The following ERG variants were observed in gnomAD, a reference collection of about 807,000 sequenced individuals.
The protein encoded by ERG is ETS transcription factor ERG, also known as transcriptional regulator ERG.
ERG carries 9 observed loss-of-function variants against 55.3 expected under a neutral mutation model. The ratio of observed to expected loss-of-function variants is 0.16; its 90% CI spans 0.10 to 0.28. ERG has a LOEUF of 0.28. Among genes scored for constraint, ERG ranks in the 10% least tolerant of loss-of-function variants. The pLI is 1.00. For synonymous variants in ERG, 223 were observed against 237.3 expected (o/e 0.94, Z 0.55); for missense variants, 434 against 631.6 (o/e 0.69, Z 3.35).
chr21:38,434,572 A>G (rs1487462161), intron 2 of ERG, among the ~76,000 whole-genome samples: 1 of 152,182 alleles, frequency 6.6e-6, no homozygotes, highest in Non-Finnish European at 1.5e-5. Context: ...TCTTCCATTT[A>G]AATATTGAGT....
intron 2 of ERG, among the ~76,000 whole-genome samples, chr21:38,504,125 T>A (rs536706362): frequency 6.6e-6 from 1 of 152,218 alleles, no homozygotes; most frequent in Non-Finnish European, 1.5e-5. Flanking sequence ...TTCAACACTT[T>A]CTCTAAGTGG....
intron 1 of ERG, among the ~76,000 whole-genome samples, chr21:38,632,814 C>A (rs73444336): frequency 0.036 from 5,474 of 152,222 alleles, 301 homozygotes; most frequent in African/African-American, 0.12. Context: ...TGGTGTAGCC[C>A]CTCTGGAAAA....
the ERG span, among the ~76,000 whole-genome samples, chr21:38,374,446 C>T: frequency 1.3e-5 from 2 of 152,172 alleles, no homozygotes; most frequent in Non-Finnish European, 2.9e-5. Flanking sequence ...AATTAAGCAC[C>T]TGTGGTAAAT....
At position 38,455,879 on chromosome 21, in the gene ERG, C is replaced by CG. The variant is rs1399507865; in HGVS notation, c.19-10259_19-10258insC. ...AATAATTGGTACGGTCCCCCCCCTC[C>CG]CCACAGACAGGTGTGTCACACCAGG... On this transcript the variant is annotated intron_variant, in intron 1 of 9. Coordinates refer to ENST00000288319, the MANE Select transcript of ERG (RefSeq NM_182918.4). Among the ~76,000 whole-genome samples, 11 of 151,296 alleles carry CG rather than the reference C, an allele frequency of 7.3e-5. 2 individuals are homozygous for CG. The highest frequency in any genetic ancestry group is 1.7e-4 in the African/African-American group (7 of 41,204).
downstream of ERG, among the ~76,000 whole-genome samples, chr21:38,376,700 A>G (rs905167518): frequency 6.6e-6 from 1 of 152,256 alleles, no homozygotes; most frequent in Admixed American, 6.5e-5. Context: ...ATGGAGACAG[A>G]AAATCCTGAG....
At chr21:38,564,408 A>T (rs1276843215) in intron 2 of ERG, among the ~76,000 whole-genome samples, 1 of 152,180 alleles carries the variant, frequency 6.6e-6, no homozygotes, top group African/African-American at 2.4e-5. Context: ...AAGGAACATC[A>T]TAAAAATTAA....
chr21:38,549,147 CAAAAA>C (rs1164764844), intron 2 of ERG, among the ~76,000 whole-genome samples: 2 of 151,966 alleles, frequency 1.3e-5, no homozygotes, highest in South Asian at 2.1e-4. Flanking sequence ...CAAAACAAAA[CAAAAA>C]AGCCATGCCC....
At chr21:38,502,823 C>T (rs868792183), upstream of ERG, among the ~76,000 whole-genome samples, 379 of 150,946 alleles carry the variant, frequency 2.5e-3, 1 homozygote, top group African/African-American at 8.9e-3. Context: ...GCCTCCTGGG[C>T]TCATGCCATT....
At chr21:38,402,864 G>A (rs2146454922) in intron 4 of ERG, among the ~76,000 whole-genome samples, 2 of 152,242 alleles carry the variant, frequency 1.3e-5, no homozygotes, top group South Asian at 4.1e-4. Context: ...TTAATTCAGG[G>A]AAGAAGTGGT....
intron 1 of ERG, among the ~76,000 whole-genome samples, chr21:38,641,828 T>C (rs2086308817): frequency 6.6e-6 from 1 of 152,198 alleles, no homozygotes; most frequent in Admixed American, 6.5e-5. Flanking sequence ...CAAGAGCGTA[T>C]CTCAGTCTGA....
intron 2 of ERG, among the ~76,000 whole-genome samples, chr21:38,435,138 G>T (rs977831276): frequency 6.6e-6 from 1 of 152,150 alleles, no homozygotes; most frequent in Non-Finnish European, 1.5e-5. Flanking sequence ...AAGGAGGCTG[G>T]CCCGGGACAA....
chr21:38,500,275 C>T (rs2059411519), upstream of ERG, among the ~76,000 whole-genome samples: 2 of 152,224 alleles, frequency 1.3e-5, no homozygotes, highest in African/African-American at 4.8e-5. Flanking sequence ...GAAATAGCCA[C>T]GGAAGAAAAT....
intron 2 of ERG, among the ~76,000 whole-genome samples, chr21:38,426,787 G>A (rs1011919177): frequency 7.9e-5 from 12 of 151,828 alleles, no homozygotes; most frequent in Non-Finnish European, 1.0e-4. Context: ...AAAATTAGCC[G>A]GGCGTGGTGG....
At chr21:38,552,894 G>T (rs2059833529) in intron 2 of ERG, among the ~76,000 whole-genome samples, 1 of 151,196 alleles carries the variant, frequency 6.6e-6, no homozygotes, top group East Asian at 1.9e-4. Context: ...AAGAGAGGAA[G>T]TCAAACTATC....
chr21:38,490,743 G>C (rs2059328530), intron 1 of ERG, among the ~76,000 whole-genome samples: 1 of 152,186 alleles, frequency 6.6e-6, no homozygotes, highest in Non-Finnish European at 1.5e-5. Context: ...CGTTCACCTG[G>C]GGAAGTCCTG....
intron 6 of ERG, among the ~76,000 whole-genome samples, chr21:38,394,295 G>C (rs1988105768): frequency 6.6e-6 from 1 of 152,038 alleles, no homozygotes; most frequent in South Asian, 2.1e-4. Context: ...CTGGTAGCTT[G>C]CTAGAAATGC....
At chr21:38,495,282 TTAATAA>T (rs2146685706) in intron 1 of ERG, among the ~76,000 whole-genome samples, 3 of 152,254 alleles carry the variant, frequency 2.0e-5, no homozygotes, top group Admixed American at 2.0e-4. Flanking sequence ...TGTCTTTAAA[TTAATAA>T]AATTGAGTCC....
At chr21:38,547,441 T>C (rs1341562858) in intron 2 of ERG, among the ~76,000 whole-genome samples, 3 of 152,126 alleles carry the variant, frequency 2.0e-5, no homozygotes, top group Non-Finnish European at 4.4e-5. Flanking sequence ...AGACTTATTC[T>C]CACAAGACAA....
intron 1 of ERG, among the ~76,000 whole-genome samples, chr21:38,621,856 C>G (rs955894132): frequency 1.3e-5 from 2 of 152,172 alleles, no homozygotes; most frequent in Non-Finnish European, 2.9e-5. Flanking sequence ...CCTGAGTCCC[C>G]ACTCATGCCT....
Sources: allele counts gnomAD v4.1 joint callset (sites outside exome capture counted in the v4.1 genomes callset), GRCh38; gene constraint gnomAD v4.1.1; transcripts MANE v1.5; gene names NCBI Gene and HGNC (gene_info 2026-07-23, HGNC 2026-07-21).